The following CYP4F22 variants were observed in gnomAD, a reference collection of about 807,000 sequenced individuals.
CYP4F22 encodes the protein cytochrome P450 family 4 subfamily F member 22.
Under a neutral mutation model 60.4 loss-of-function variants are expected in CYP4F22, and 37 were observed. That is an observed-to-expected ratio of 0.61 (90% CI 0.47 to 0.81). The LOEUF (loss-of-function observed/expected upper bound fraction) is 0.81, where lower values mean the gene tolerates loss of function less well. Among genes scored for constraint, CYP4F22 ranks in the 30% least tolerant of loss-of-function variants. The probability of loss-of-function intolerance (pLI) is 0.00; values close to 1 mark genes in which losing one functional copy is unlikely to be tolerated. For synonymous variants in CYP4F22, 258 were observed against 280.5 expected (o/e 0.92, Z 0.80); for missense variants, 655 against 715.0 (o/e 0.92, Z 0.96).
intron 8 of CYP4F22, among the ~76,000 whole-genome samples, chr19:15,543,025 G>A (rs1370328812): frequency 6.6e-6 from 1 of 152,182 alleles, no homozygotes; most frequent in Non-Finnish European, 1.5e-5. Flanking sequence ...ATGTGTGCGT[G>A]TATCTTTATA....
At chr19:15,541,623 G>A (rs892575201) in intron 8 of CYP4F22, among the ~76,000 whole-genome samples, 2 of 152,120 alleles carry the variant, frequency 1.3e-5, no homozygotes, top group Non-Finnish European at 2.9e-5. Context: ...GCTCATACCT[G>A]TAATCCCAGC....
intron 4 of CYP4F22, among the ~76,000 whole-genome samples, chr19:15,536,613 A>T (rs560782664): frequency 3.0e-4 from 45 of 152,252 alleles, no homozygotes; most frequent in African/African-American, 9.1e-4. Flanking sequence ...AGATGGCCTG[A>T]GCTGGCAGAA....
At chr19:15,509,630 T>C (rs1971059522) in intron 1 of CYP4F22, among the ~76,000 whole-genome samples, 1 of 152,122 alleles carries the variant, frequency 6.6e-6, no homozygotes, top group South Asian at 2.1e-4. Flanking sequence ...CCTGTGCCTG[T>C]GGATACCCAG....
chr19:15,512,072 A>G (rs1021493178), intron 1 of CYP4F22, among the ~76,000 whole-genome samples: 10 of 152,206 alleles, frequency 6.6e-5, no homozygotes, highest in East Asian at 1.9e-4. Flanking sequence ...TCTCACTTCT[A>G]TCAAATAGCA....
chr19:15,516,762 T>C, intron 1 of CYP4F22: 2 of 609,040 alleles, frequency 3.3e-6, no homozygotes, highest in South Asian at 2.3e-5. Flanking sequence ...CCCTGGACTC[T>C]GGAAAGATAG....
chr19:15,514,996 T>C (rs902514937), intron 1 of CYP4F22, among the ~76,000 whole-genome samples: 2 of 152,160 alleles, frequency 1.3e-5, no homozygotes, highest in African/African-American at 4.8e-5. Context: ...ATGCTTTCAG[T>C]TTCTTCTTTC....
In CYP4F22 at chr19:15,537,354, T is replaced by TC. The variant is rs759659457; in HGVS notation, c.368-5dup. On this transcript the variant is annotated splice_region_variant and splice_polypyrimidine_tract_variant and intron_variant, in intron 4 of 13. Coordinates refer to ENST00000269703, the MANE Select transcript of CYP4F22 (RefSeq NM_173483.4). The stretch of plus-strand genomic sequence containing the variant: ...TTGAGTCACCATTTTCCCTTTGCCC[T>TC]CCACAGCTGCCATCGCCCCCAAGGA... The TC allele has an allele frequency of 1.2e-6, 2 of 1,614,068 alleles. No individual in the cohort carries two copies. The highest frequency in any genetic ancestry group is 1.7e-4 in the Middle Eastern group (1 of 6,032).
chr19:15,549,077 G>C, intron 11 of CYP4F22, 61 bp from the exon 12 acceptor site: 1 of 1,589,028 alleles, frequency 6.3e-7, no homozygotes, highest in Non-Finnish European at 8.6e-7. Flanking sequence ...CCAAGTTGGG[G>C]GATGTTTCTG....
intron 10 of CYP4F22, among the ~76,000 whole-genome samples, chr19:15,546,390 C>T (rs890011038): frequency 5.3e-5 from 8 of 152,178 alleles, no homozygotes; most frequent in African/African-American, 1.7e-4. Flanking sequence ...TCAAGACCAA[C>T]CTGGGCAACA....
In CYP4F22 at chr19:15,540,713, C is replaced by T; in HGVS notation, c.935C>T (p.Ala312Val). Residue 312 changes from alanine (A) to valine (V), a missense_variant, in exon 8 of 14, where the codon GCC becomes GTC. Physicochemically the swap from Ala to Val is moderately conservative, Grantham distance 64. This residue lies in a region of CYP4F22 where 430 missense variants were observed against 457.1 expected (regional missense o/e 0.94). Coordinates refer to ENST00000269703, the MANE Select transcript of CYP4F22 (RefSeq NM_173483.4). ...TLDFIDVLLL[A>V]RDEDGKELSD... ...GACTTTATTGATGTGCTGCTCCTGG[C>T]CAGGGTGAGGCTGGGCCCCCTGGAA... 6.6e-7 allele frequency: 1 copy of T among 1,518,676 alleles called. No homozygotes were observed. The allele number at this position is 1,518,676 out of a possible 1,614,324, so 94.1% of individuals were successfully genotyped here.
chr19:15,509,904 C>CCTTCCTTCCTTTCCTTCCTT (rs1323141197), intron 1 of CYP4F22, among the ~76,000 whole-genome samples: 7 of 86,692 alleles, frequency 8.1e-5, no homozygotes, highest in Non-Finnish European at 1.5e-4. Context: ...TTCCTTCCTT[C>CCTTCCTTCCTTTCCTTCCTT]CTTTCTTTCT....
rs1160510530 is a variant in CYP4F22, at chr19:15,537,157, CG to C, written c.368-201del. ...CTGCTAAAAATACAAACAAATTAGC[CG>C]GGCATGGTGGCGGACACCTGTAATC... On this transcript the variant is annotated intron_variant, in intron 4 of 13. Coordinates refer to ENST00000269703, the MANE Select transcript of CYP4F22 (RefSeq NM_173483.4). 2.6e-5 allele frequency among the ~76,000 whole-genome samples: 4 copies of C among 152,064 alleles called. No individual in the cohort carries two copies. In the East Asian group the frequency reaches 7.8e-4, roughly 29 times the overall value.
chr19:15,542,156 C>A (rs950640607), intron 8 of CYP4F22, among the ~76,000 whole-genome samples: 1 of 152,142 alleles, frequency 6.6e-6, no homozygotes, highest in African/African-American at 2.4e-5. Context: ...ATATGAACTT[C>A]CTTCTTCTCC....
intron 4 of CYP4F22, among the ~76,000 whole-genome samples, chr19:15,532,965 C>T (rs1971359657): frequency 6.6e-6 from 1 of 152,290 alleles, no homozygotes; most frequent in Non-Finnish European, 1.5e-5. Context: ...AGGGTGCCCC[C>T]ACCTGGAATT....
intron 10 of CYP4F22, among the ~76,000 whole-genome samples, 164 bp from the exon 11 acceptor site, chr19:15,547,944 A>G (rs1408100319): frequency 1.3e-5 from 2 of 149,998 alleles, no homozygotes; most frequent in African/African-American, 4.9e-5. Context: ...AAAATCCTGG[A>G]CTGGTTTCTT....
chr19:15,528,688 TACTTA>T (rs1349779140), intron 3 of CYP4F22, among the ~76,000 whole-genome samples: 1 of 152,230 alleles, frequency 6.6e-6, no homozygotes, highest in Non-Finnish European at 1.5e-5. Flanking sequence ...AACAGTCACC[TACTTA>T]ACTTGCAACT....
chr19:15,547,029 T>TTTTTTTTG (rs1971535086), intron 10 of CYP4F22, among the ~76,000 whole-genome samples: 1 of 141,906 alleles, frequency 7.0e-6, no homozygotes, highest in Non-Finnish European at 1.5e-5. Context: ...TTTTTTTTTT[T>TTTTTTTTG]TTTTTTTTTT....
At chr19:15,510,897 T>A (rs1971081075) in intron 1 of CYP4F22, among the ~76,000 whole-genome samples, 1 of 149,554 alleles carries the variant, frequency 6.7e-6, no homozygotes, top group Non-Finnish European at 1.5e-5. Context: ...GGCTGGAGGA[T>A]GGTTTGAGCC....
intron 1 of CYP4F22, chr19:15,516,538 C>T (rs1450422289): frequency 1.3e-5 from 3 of 239,796 alleles, no homozygotes; most frequent in East Asian, 2.3e-4. Flanking sequence ...CAAGGAGCAC[C>T]CTTTATGCAG....
Sources: allele counts gnomAD v4.1 joint callset (sites outside exome capture counted in the v4.1 genomes callset), GRCh38; gene constraint gnomAD v4.1.1; regional missense constraint gnomAD v4.1.1; transcripts MANE v1.5; gene names NCBI Gene and HGNC (gene_info 2026-07-23, HGNC 2026-07-21).